Variants in ATF3 observed in about 807,000 individuals in gnomAD.
The protein encoded by ATF3 is cyclic AMP-dependent transcription factor ATF-3.
ATF3 carries 10 observed loss-of-function variants against 18.4 expected under a neutral mutation model. The ratio of observed to expected loss-of-function variants is 0.54; its 90% CI spans 0.34 to 0.92. ATF3 has a LOEUF of 0.92. Ranked by LOEUF, ATF3 falls within the 40% of genes least tolerant of loss-of-function variation. ATF3 has a pLI of 0.02. For synonymous variants in ATF3, 78 were observed against 87.9 expected (o/e 0.89, Z 0.63); for missense variants, 183 against 222.3 (o/e 0.82, Z 1.12).
intron 1 of ATF3, among the ~76,000 whole-genome samples, chr1:212,611,672 C>A (rs1409304795): frequency 2.0e-5 from 3 of 152,080 alleles, no homozygotes; most frequent in Non-Finnish European, 4.4e-5. Context: ...GGTTAGCAAG[C>A]AATGCTTAGT....
At chr1:212,576,666 G>T (rs72756339) in intron 1 of ATF3, among the ~76,000 whole-genome samples, 14,281 of 128,646 alleles carry the variant, frequency 0.11, 1,584 homozygotes, top group African/African-American at 0.31. Context: ...TTATTCCAGA[G>T]TTAAAGTTTT....
At chr1:212,594,653 A>G (rs1664955395) in intron 1 of ATF3, among the ~76,000 whole-genome samples, 1 of 152,254 alleles carries the variant, frequency 6.6e-6, no homozygotes, top group Admixed American at 6.5e-5. Flanking sequence ...GTCTATAGAC[A>G]GAAACAGAGC....
At chr1:212,577,319 A>C (rs993235072) in intron 1 of ATF3, among the ~76,000 whole-genome samples, 1 of 152,146 alleles carries the variant, frequency 6.6e-6, no homozygotes, top group East Asian at 1.9e-4. Context: ...ATAGTGTTCA[A>C]TGTGATTTTT....
intron 2 of ATF3, among the ~76,000 whole-genome samples, 177 bp downstream of exon 2, chr1:212,615,438 C>A (rs1055304287): frequency 6.6e-6 from 1 of 151,960 alleles, no homozygotes; most frequent in East Asian, 1.9e-4. Context: ...CGTAAGTACA[C>A]GTTAAGAGAT....
At chr1:212,585,696 T>C (rs2102629936) in intron 1 of ATF3, among the ~76,000 whole-genome samples, 2 of 152,330 alleles carry the variant, frequency 1.3e-5, no homozygotes, top group African/African-American at 4.8e-5. Context: ...AGAGTCTTCT[T>C]CAGATAAACT....
chr1:212,602,992 A>G (rs1301693108), intron 1 of ATF3, among the ~76,000 whole-genome samples: 1 of 152,212 alleles, frequency 6.6e-6, no homozygotes, highest in Non-Finnish European at 1.5e-5. Context: ...TCCTTTGTTT[A>G]TCTCATGGCC....
chr1:212,598,659 A>G (rs2102639930), intron 1 of ATF3, among the ~76,000 whole-genome samples: 1 of 152,110 alleles, frequency 6.6e-6, no homozygotes, highest in African/African-American at 2.4e-5. Context: ...CTTTGTGTCC[A>G]TGGGTTCAAT....
intron 1 of ATF3, among the ~76,000 whole-genome samples, chr1:212,583,112 G>A (rs1432049111): frequency 6.6e-6 from 1 of 152,176 alleles, no homozygotes; most frequent in African/African-American, 2.4e-5. Context: ...TGGTTTCTGA[G>A]AGAAGAATAT....
At chr1:212,566,200 C>A (rs1664379848) in intron 1 of ATF3, among the ~76,000 whole-genome samples, 2 of 152,132 alleles carry the variant, frequency 1.3e-5, no homozygotes, top group Non-Finnish European at 2.9e-5. Context: ...GTCATTGTTT[C>A]TCTTTAAGTT....
At chr1:212,614,145 C>T (rs929182229) in intron 1 of ATF3, 38 of 152,300 alleles carry the variant, frequency 2.5e-4, no homozygotes, top group African/African-American at 8.7e-4. Flanking sequence ...CAGTCATTTA[C>T]CAGACACAGA....
intron 1 of ATF3, among the ~76,000 whole-genome samples, chr1:212,580,794 A>G (rs1232603159): frequency 6.6e-6 from 1 of 152,012 alleles, no homozygotes; most frequent in Non-Finnish European, 1.5e-5. Flanking sequence ...TTTGAGACAG[A>G]GTCTCGCTCT....
chr1:212,609,375 T>TGGGGGGGGGGGGGG (rs1192833712), intron 1 of ATF3, among the ~76,000 whole-genome samples: 1 of 67,234 alleles, frequency 1.5e-5, no homozygotes, highest in Non-Finnish European at 3.1e-5. Flanking sequence ...CCTTCCCGGG[T>TGGGGGGGGGGGGGG]GGGGGGGGGG....
intron 1 of ATF3, among the ~76,000 whole-genome samples, chr1:212,611,958 G>A (rs751640903): frequency 2.6e-5 from 4 of 152,054 alleles, no homozygotes; most frequent in Non-Finnish European, 4.4e-5. Context: ...TTCAATGACC[G>A]GGATGTTTGA....
chr1:212,609,411 A>G, intron 1 of ATF3, among the ~76,000 whole-genome samples: 2 of 134,248 alleles, frequency 1.5e-5, no homozygotes. Context: ...CGAAGGCCGG[A>G]GGCTTGCGGG....
Position 212,619,007 on chromosome 1 carries a change from GA to G in ATF3, c.349-349del. The G allele has an allele frequency of 6.2e-7, 1 of 1,613,812 alleles. No homozygotes were observed. On this transcript the variant is annotated intron_variant, in intron 3 of 3. Coordinates refer to ENST00000341491, the MANE Select transcript of ATF3 (RefSeq NM_001674.4). The surrounding 1 kb of genome is among the most constrained non-coding windows in gnomAD (Gnocchi z 4.4). ...GCTTCTCATTGAGATCTGTGACTCA[GA>G]ATCGACTAAGCCACCATAAGTCTGG...
At chr1:212,568,168 C>G (rs761940601) in intron 1 of ATF3, among the ~76,000 whole-genome samples, 4 of 152,094 alleles carry the variant, frequency 2.6e-5, no homozygotes, top group African/African-American at 7.2e-5. Flanking sequence ...CTGCATCTAG[C>G]AAGGTGTCAT....
At chr1:212,567,053 A>C (rs1664394910) in intron 1 of ATF3, among the ~76,000 whole-genome samples, 1 of 152,238 alleles carries the variant, frequency 6.6e-6, no homozygotes, top group African/African-American at 2.4e-5. Flanking sequence ...TTCATGTTGC[A>C]GCGAAAGCGA....
At chr1:212,608,094 C>A (rs1022330212), upstream of ATF3, among the ~76,000 whole-genome samples, 7 of 152,306 alleles carry the variant, frequency 4.6e-5, no homozygotes, top group Non-Finnish European at 5.9e-5. Flanking sequence ...CCGCAGAGGT[C>A]ACACCCGGCG....
intron 1 of ATF3, among the ~76,000 whole-genome samples, chr1:212,609,740 A>G (rs925725334): frequency 6.6e-6 from 1 of 152,254 alleles, no homozygotes; most frequent in Non-Finnish European, 1.5e-5. Flanking sequence ...CGTGGCGGGG[A>G]AGCGAGGGTG....
Sources: gnomAD v4.1 joint callset for allele counts (sites outside exome capture counted in the v4.1 genomes callset) on GRCh38, gnomAD v4.1.1 for gene constraint, Gnocchi (gnomAD v3.1) non-coding constraint, MANE v1.5 for transcripts, NCBI Gene and HGNC (gene_info 2026-07-23, HGNC 2026-07-21) for gene names.